FUT8: variants seen among roughly 807,000 people sequenced by gnomAD.
The protein encoded by FUT8 is alpha-(1,6)-fucosyltransferase.
In FUT8, 29 loss-of-function variants were observed where a neutral mutation model predicts 71.3. That is an observed-to-expected ratio of 0.41 (90% CI 0.30 to 0.55). The LOEUF is 0.55. Among genes scored for constraint, FUT8 ranks in the 20% least tolerant of loss-of-function variants. The probability of loss-of-function intolerance (pLI) is 0.34; values close to 1 mark genes in which losing one functional copy is unlikely to be tolerated. For synonymous variants in FUT8, 254 were observed against 239.3 expected, an observed-to-expected ratio of 1.06 and a Z score of -0.57; for missense variants, 544 against 702.1, an observed-to-expected ratio of 0.77 and a Z score of 2.55.
chr14:65,416,595 GTTTC>G (rs1227306655), intron 1 of FUT8, among the ~76,000 whole-genome samples: 6 of 152,152 alleles, frequency 3.9e-5, no homozygotes, highest in African/African-American at 1.4e-4. Flanking sequence ...ATAGTATGGA[GTTTC>G]TTTCTTGGAG....
At position 65,508,491 on chromosome 14, in the gene FUT8, G is replaced by GTTTTT. The variant is rs34809476; in HGVS notation, c.-228+52795_-228+52799dup. 8.6e-4 allele frequency among the ~76,000 whole-genome samples: 40 copies of GTTTTT among 46,496 alleles called. 8 individuals carry two copies. The highest frequency in any genetic ancestry group is 4.6e-3 in the South Asian group (4 of 876). The allele number at this position is 46,496 out of a possible 152,430, so 30.5% of individuals were successfully genotyped here. Reference sequence around the variant, plus strand: ...AATTTTTTCCTGTAGAGTTGTTTGAGTTTTTTTTTTTTTTTTTTTTTTTTT... The same window carrying GTTTTT: ...AATTTTTTCCTGTAGAGTTGTTTGAGTTTTTTTTTTTTTTTTTTTTTTTTTTTTTT... On this transcript the variant is annotated intron_variant, in intron 2 of 10. Coordinates refer to ENST00000673929, the MANE Select transcript of FUT8 (RefSeq NM_001371533.1).
chr14:65,513,147 G>A (rs370276687), intron 2 of FUT8, among the ~76,000 whole-genome samples: 1 of 152,118 alleles, frequency 6.6e-6, no homozygotes, highest in African/African-American at 2.4e-5. Flanking sequence ...CTTGCATCTG[G>A]TTCAAGAGGG....
At chr14:65,597,431 A>G (rs918416020) in intron 3 of FUT8, among the ~76,000 whole-genome samples, 2 of 151,614 alleles carry the variant, frequency 1.3e-5, no homozygotes, top group African/African-American at 2.4e-5. Context: ...GATCGAGACC[A>G]TCCTGGCTAG....
intron 1 of FUT8, among the ~76,000 whole-genome samples, chr14:65,438,111 A>G (rs771352631): frequency 1.3e-5 from 2 of 152,214 alleles, no homozygotes. Context: ...AGTAAAATCA[A>G]AAGTTGTTTG....
At chr14:65,510,508 GTTC>G (rs1196423072) in intron 2 of FUT8, among the ~76,000 whole-genome samples, 2 of 152,086 alleles carry the variant, frequency 1.3e-5, no homozygotes, top group African/African-American at 4.8e-5. Context: ...ATTGGTATTA[GTTC>G]TTCTTTAAAT....
chr14:65,695,989 C>G (rs1351046801), intron 7 of FUT8, among the ~76,000 whole-genome samples: 1 of 151,984 alleles, frequency 6.6e-6, no homozygotes, highest in East Asian at 1.9e-4. Flanking sequence ...TTATATATCC[C>G]TTCATGGGAT....
chr14:65,534,560 T>TC, intron 2 of FUT8, among the ~76,000 whole-genome samples: 1 of 150,814 alleles, frequency 6.6e-6, no homozygotes, highest in South Asian at 2.1e-4. Context: ...TTTTTTTTTT[T>TC]TTTTTGGTTG....
intron 2 of FUT8, among the ~76,000 whole-genome samples, chr14:65,510,389 C>G (rs1458674427): frequency 6.6e-6 from 1 of 151,922 alleles, no homozygotes; most frequent in East Asian, 1.9e-4. Context: ...CCTTAGTTTT[C>G]TTCTTTTGAT....
intron 3 of FUT8, among the ~76,000 whole-genome samples, chr14:65,573,331 A>G (rs1410008613): frequency 2.6e-5 from 4 of 152,156 alleles, no homozygotes; most frequent in Non-Finnish European, 5.9e-5. Flanking sequence ...TTCCTCATTC[A>G]TATTAATATA....
intron 10 of FUT8, among the ~76,000 whole-genome samples, chr14:65,741,102 A>C (rs1225516109): frequency 1.3e-5 from 2 of 151,930 alleles, no homozygotes; most frequent in Non-Finnish European, 2.9e-5. Flanking sequence ...TAAATTGCTT[A>C]AATTGGGTGA....
chr14:65,639,142 G>A (rs534166416), intron 6 of FUT8, among the ~76,000 whole-genome samples: 31 of 152,158 alleles, frequency 2.0e-4, no homozygotes, highest in African/African-American at 6.7e-4. Context: ...AACAAGAAGT[G>A]GTAGTGGATA....
chr14:65,573,106 G>A (rs1295203955), intron 3 of FUT8, among the ~76,000 whole-genome samples: 1 of 152,158 alleles, frequency 6.6e-6, no homozygotes, highest in African/African-American at 2.4e-5. Context: ...TGTATTTGGA[G>A]TTGGCTCAGT....
At chr14:65,531,836 C>T (rs1395215401) in intron 2 of FUT8, among the ~76,000 whole-genome samples, 1 of 152,098 alleles carries the variant, frequency 6.6e-6, no homozygotes, top group African/African-American at 2.4e-5. Flanking sequence ...GTGTTCTCAT[C>T]ATTTAGCTCC....
the FUT8 span, among the ~76,000 whole-genome samples, chr14:65,362,545 A>G: frequency 1.3e-5 from 2 of 152,000 alleles, no homozygotes; most frequent in East Asian, 1.9e-4. Flanking sequence ...AAAAAGCCCA[A>G]ATTGCTTTAG....
At chr14:65,586,502 A>C (rs1887392452) in intron 3 of FUT8, among the ~76,000 whole-genome samples, 1 of 152,220 alleles carries the variant, frequency 6.6e-6, no homozygotes, top group Non-Finnish European at 1.5e-5. Context: ...TTAATATGAA[A>C]TGCTAGACAT....
intron 3 of FUT8, among the ~76,000 whole-genome samples, chr14:65,592,362 G>C (rs549768157): frequency 0.01 from 1,588 of 152,024 alleles, 28 homozygotes; most frequent in African/African-American, 0.037. Flanking sequence ...AGCATAAGTG[G>C]CTTCCTATAG....
chr14:65,651,399 T>G (rs904753109), intron 6 of FUT8, among the ~76,000 whole-genome samples: 3 of 152,254 alleles, frequency 2.0e-5, no homozygotes, highest in Admixed American at 6.5e-5. Context: ...TGACATTTGA[T>G]TCACAGCCCA....
chr14:65,578,793 A>T (rs1347459570), intron 3 of FUT8, among the ~76,000 whole-genome samples: 1 of 152,194 alleles, frequency 6.6e-6, no homozygotes, highest in East Asian at 1.9e-4. Context: ...CCTGTGAATT[A>T]CAATGGCTAC....
Position 65,494,902 on chromosome 14 carries a change from G to C in FUT8, c.-228+39184G>C, listed in dbSNP as rs542609021. Among the ~76,000 whole-genome samples, 195 of 152,142 alleles carry C rather than the reference G, an allele frequency of 1.3e-3. 1 individual carries two copies. The highest frequency in any genetic ancestry group is 4.5e-3 in the African/African-American group (186 of 41,526). On this transcript the variant is annotated intron_variant, in intron 2 of 10. Transcript: ENST00000673929. ...AAATGTTTAGGTTTCTGCTGATTGAGGCTTTGTTGTATAGTTAGAAGGACT... is the reference window on the plus strand; with the variant it reads ...AAATGTTTAGGTTTCTGCTGATTGACGCTTTGTTGTATAGTTAGAAGGACT...
Sources: allele counts gnomAD v4.1 joint callset (sites outside exome capture counted in the v4.1 genomes callset), GRCh38; gene constraint gnomAD v4.1.1; transcripts MANE v1.5; gene names NCBI Gene and HGNC (gene_info 2026-07-23, HGNC 2026-07-21).